PMS1: variants seen among roughly 807,000 people sequenced by gnomAD.
The protein encoded by PMS1 is PMS1 homolog 1, mismatch repair system component, also known as PMS1 protein homolog 1.
PMS1 carries 79 observed loss-of-function variants against 93.1 expected under a neutral mutation model. That is an observed-to-expected ratio of 0.85 (90% CI 0.71 to 1.02). The LOEUF is 1.02. Among genes scored for constraint, PMS1 ranks in the 50% least tolerant of loss-of-function variants. The pLI is 0.00. For missense variants in PMS1, 1,064 were observed against 1,085.3 expected (o/e 0.98, Z 0.28); for synonymous variants, 335 against 363.4 (o/e 0.92, Z 0.89).
intron 1 of PMS1, chr2:189,785,403 C>G (rs1035737393): frequency 6.6e-6 from 1 of 152,174 alleles, no homozygotes; most frequent in Non-Finnish European, 1.5e-5. Context: ...CAGAAGTGTT[C>G]CTTTTCCCTC....
At chr2:189,858,375 T>G (rs1042080930) in intron 9 of PMS1, among the ~76,000 whole-genome samples, 4 of 152,280 alleles carry the variant, frequency 2.6e-5, no homozygotes, top group Admixed American at 2.0e-4. Flanking sequence ...TGATAAACTT[T>G]ATAACTAAAT....
At chr2:189,876,165 G>A (rs2057549854) in intron 12 of PMS1, among the ~76,000 whole-genome samples, 1 of 152,116 alleles carries the variant, frequency 6.6e-6, no homozygotes, top group Non-Finnish European at 1.5e-5. Flanking sequence ...GGGAACTTGA[G>A]AGAAGTCATG....
intron 3 of PMS1, among the ~76,000 whole-genome samples, chr2:189,796,604 A>G (rs1354541131): frequency 6.6e-6 from 1 of 152,208 alleles, no homozygotes; most frequent in Non-Finnish European, 1.5e-5. Context: ...GGTATCACAT[A>G]TAAGTGGACT....
Position 189,853,952 on chromosome 2 carries a change from A to C in PMS1, c.836A>C (p.His279Pro), listed in dbSNP as rs761470579. 6.3e-7 allele frequency: 1 copy of C among 1,583,814 alleles called. No individual in the cohort carries two copies. The part of the protein sequence containing the change: ...QKDILKLIRH[H>P]YNLKCLKEST... ...ATGTATTTCTAGTTAATCCGACATC[A>C]TTACAATCTGAAATGCCTAAAGGAA... The change falls in exon 8 of 13, where the codon CAT (histidine) becomes CCT (proline). Residue 279 changes from histidine (H) to proline (P), a missense_variant. By Grantham distance (77) the His-to-Pro change is moderately conservative. Transcript: ENST00000441310.
At chr2:189,871,931 A>G (rs1426377521) in intron 11 of PMS1, among the ~76,000 whole-genome samples, 1 of 152,174 alleles carries the variant, frequency 6.6e-6, no homozygotes, top group Non-Finnish European at 1.5e-5. Context: ...AGCATGTCAC[A>G]TGGTGAAAGA....
chr2:189,854,208 TC>T (rs778426239), intron 8 of PMS1, 30 bp from the exon 9 acceptor site: 6 of 1,512,778 alleles, frequency 4.0e-6, no homozygotes, highest in Non-Finnish European at 5.4e-6. Flanking sequence ...TTTCATAATT[TC>T]CCCTAACATT....
chr2:189,863,053 A>G (rs919773828), intron 9 of PMS1, among the ~76,000 whole-genome samples: 4 of 152,130 alleles, frequency 2.6e-5, no homozygotes, highest in Admixed American at 2.6e-4. Context: ...CCTGCTCCCC[A>G]TTAATACTGA....
At chr2:189,851,710 A>C (rs2054747689) in intron 6 of PMS1, among the ~76,000 whole-genome samples, 1 of 152,154 alleles carries the variant, frequency 6.6e-6, no homozygotes, top group South Asian at 2.1e-4. Context: ...TCTCAACCTA[A>C]GCTAAAATTT....
intron 9 of PMS1, chr2:189,857,475 A>C (rs1299632698): frequency 2.1e-5 from 10 of 469,180 alleles, no homozygotes; most frequent in Non-Finnish European, 4.4e-5. Flanking sequence ...TTTATCTTGG[A>C]GTTCTGTCCA....
At position 189,855,250 on chromosome 2, in the gene PMS1, TG is replaced by T. The variant is rs1575291226; in HGVS notation, c.1856+124del. ...GGAAAAGCAGATCAGAAAATACCTTTGGCTTGGATAGAGTACCTTTTTTGGT... is the reference window on the plus strand; with the variant it reads ...GGAAAAGCAGATCAGAAAATACCTTTGCTTGGATAGAGTACCTTTTTTGGT... On this transcript the variant is annotated intron_variant, in intron 9 of 12. Transcript: ENST00000441310. 7.3e-6 allele frequency: 6 copies of T among 822,132 alleles called. No individual in the cohort carries two copies. The East Asian group carries it at 1.6e-4, about 22-fold the overall frequency. The allele number at this position is 822,132 out of a possible 1,614,324, so 50.9% of individuals were successfully genotyped here. A position where few individuals can be genotyped will look rare whatever the true frequency, so the allele number is the denominator to read the frequency against.
chr2:189,805,789 CCT>C, intron 4 of PMS1, 35 bp downstream of exon 4: 1 of 1,611,244 alleles, frequency 6.2e-7, no homozygotes, highest in Middle Eastern at 1.7e-4. Context: ...ACATTCTTTA[CCT>C]TTTCTGTCTT....
rs978068142 is a variant in PMS1 at position 189,872,696 on chromosome 2, G to A, written c.2474-800G>A. ...TGCCCAGGCTGGAGTGCAGTGGCAC[G>A]ATCTCAGCTCACTGCAACCTGTGCC... On this transcript the variant is annotated intron_variant, in intron 11 of 12. Transcript: ENST00000441310. 5.6e-4 allele frequency among the ~76,000 whole-genome samples: 85 copies of A among 152,038 alleles called. 4 individuals carry two copies. The highest frequency in any genetic ancestry group is 1.5e-5 in the Non-Finnish European group (1 of 68,014).
intron 5 of PMS1, 139 bp downstream of exon 5, chr2:189,818,319 C>A (rs2051505689): frequency 1.6e-6 from 1 of 629,570 alleles, no homozygotes; most frequent in Non-Finnish European, 2.8e-6. Context: ...ACCTAACCAC[C>A]ATGTGATGTT....
intron 2 of PMS1, among the ~76,000 whole-genome samples, chr2:189,794,082 C>T (rs762121279): frequency 6.6e-6 from 1 of 151,928 alleles, no homozygotes; most frequent in African/African-American, 2.4e-5. Flanking sequence ...TATAGAAGAC[C>T]GACAGTTCCC....
At chr2:189,839,091 A>G (rs1449039179) in intron 5 of PMS1, among the ~76,000 whole-genome samples, 2 of 152,050 alleles carry the variant, frequency 1.3e-5, no homozygotes, top group Non-Finnish European at 2.9e-5. Context: ...TCCTGGGTTC[A>G]AGTGATTCTC....
intron 5 of PMS1, among the ~76,000 whole-genome samples, chr2:189,819,904 G>A (rs990520628): frequency 7.2e-5 from 11 of 152,094 alleles, no homozygotes; most frequent in Admixed American, 7.2e-4. Flanking sequence ...TTTTCAAAGC[G>A]CCGATAAGAG....
At chr2:189,849,116 C>G (rs1169306553) in intron 6 of PMS1, among the ~76,000 whole-genome samples, 1 of 151,122 alleles carries the variant, frequency 6.6e-6, no homozygotes, top group Admixed American at 6.6e-5. Context: ...TTTTTTTCCT[C>G]CTGCAGGGAC....
intron 4 of PMS1, among the ~76,000 whole-genome samples, chr2:189,809,247 C>T (rs968499919): frequency 7.9e-5 from 12 of 151,896 alleles, no homozygotes; most frequent in Admixed American, 4.6e-4. Context: ...AAATAGCTGC[C>T]ATTATAATAA....
At chr2:189,803,190 C>T (rs2050046126) in intron 3 of PMS1, among the ~76,000 whole-genome samples, 3 of 152,168 alleles carry the variant, frequency 2.0e-5, no homozygotes, top group Admixed American at 2.0e-4. Flanking sequence ...AAGGCTTTAT[C>T]ATAATTACCT....
Sources: gnomAD v4.1 joint callset for allele counts (sites outside exome capture counted in the v4.1 genomes callset) on GRCh38, gnomAD v4.1.1 for gene constraint, MANE v1.5 for transcripts, NCBI Gene and HGNC (gene_info 2026-07-23, HGNC 2026-07-21) for gene names.